The following RPH3AL variants were observed in gnomAD, a reference collection of about 807,000 sequenced individuals.
RPH3AL encodes rabphilin 3A like (without C2 domains), also known as rab effector Noc2.
Under a neutral mutation model 43.1 loss-of-function variants are expected in RPH3AL, and 38 were observed. That is an observed-to-expected ratio of 0.88 (90% CI 0.68 to 1.15). RPH3AL has a LOEUF of 1.15. Ranked by LOEUF, RPH3AL falls within the 50% of genes most tolerant of loss-of-function variation. RPH3AL has a pLI of 0.00. For missense variants in RPH3AL, 462 were observed against 423.2 expected, an observed-to-expected ratio of 1.09 and a Z score of -0.81; for synonymous variants, 189 against 176.3, an observed-to-expected ratio of 1.07 and a Z score of -0.57.
chr17:331,079 G>C (rs536513831), intron 2 of RPH3AL: 1 of 151,510 alleles, frequency 6.6e-6, no homozygotes, highest in Non-Finnish European at 1.5e-5. Context: ...GGAGGCAAGC[G>C]AGGGAGGCAA....
chr17:312,155 G>A (rs9901402), intron 5 of RPH3AL, among the ~76,000 whole-genome samples: 1 of 152,056 alleles, frequency 6.6e-6, no homozygotes, highest in Non-Finnish European at 1.5e-5. Flanking sequence ...TTAAAAATTA[G>A]ACAGGCGTGG....
intron 5 of RPH3AL, among the ~76,000 whole-genome samples, chr17:311,644 C>G (rs990309065): frequency 6.6e-6 from 1 of 152,130 alleles, no homozygotes; most frequent in Admixed American, 6.5e-5. Flanking sequence ...GCGAAGCGAT[C>G]AAGAAAGACA....
chr17:282,129 G>A (rs1005107498), intron 5 of RPH3AL, among the ~76,000 whole-genome samples: 8 of 152,280 alleles, frequency 5.3e-5, no homozygotes, highest in Non-Finnish European at 7.3e-5. Context: ...GCTGCGTCAC[G>A]TTTGATAGCA....
intron 7 of RPH3AL, among the ~76,000 whole-genome samples, chr17:236,797 G>A (rs1246709970): frequency 6.6e-6 from 1 of 152,280 alleles, no homozygotes; most frequent in Non-Finnish European, 1.5e-5. Context: ...AGTCGGAAAA[G>A]AAAAAGCCAG....
intron 6 of RPH3AL, chr17:247,685 C>G: frequency 5.3e-6 from 1 of 186,924 alleles, no homozygotes; most frequent in Non-Finnish European, 1.1e-5. Context: ...TTCTCTCTTG[C>G]AGAGCAGGGA....
chr17:248,846 A>G (rs938593443), intron 6 of RPH3AL, among the ~76,000 whole-genome samples: 2 of 152,228 alleles, frequency 1.3e-5, no homozygotes, highest in Non-Finnish European at 2.9e-5. Context: ...GAAGTACTCA[A>G]CAGAGCAAAG....
intron 5 of RPH3AL, among the ~76,000 whole-genome samples, chr17:315,651 G>T (rs1567510903): frequency 6.7e-6 from 1 of 148,724 alleles, no homozygotes; most frequent in Non-Finnish European, 1.5e-5. Flanking sequence ...TGTAGTCCCT[G>T]TGCTCCACCT....
chr17:341,489 T>C (rs1367020597), intron 1 of RPH3AL: 1 of 152,158 alleles, frequency 6.6e-6, no homozygotes, highest in Non-Finnish European at 1.5e-5. Context: ...CATCACACCA[T>C]TGCAAAATTT....
Position 225,047 on chromosome 17 carries a change from G to A in RPH3AL, c.614-5311C>T, listed in dbSNP as rs1309843910. Among the ~76,000 whole-genome samples the A allele has an allele frequency of 6.6e-6, 1 of 151,148 alleles. No individual in the cohort carries two copies. Among genetic ancestry groups the A allele is most frequent in the Non-Finnish European group, 1.5e-5 (1 of 67,906 alleles). On this transcript the variant is annotated intron_variant, in intron 7 of 9. Coordinates refer to ENST00000331302, the MANE Select transcript of RPH3AL (RefSeq NM_006987.4). This position sits in a 1 kb window ranked among gnomAD's most constrained non-coding sequence, Gnocchi z 4.4. ...GTTAATGGGTGCAGCACACCAACAC[G>A]GCACATGTATACAGATGTAACAAAC... is the stretch of plus-strand genomic sequence containing the variant.
At position 225,006 on chromosome 17, in the gene RPH3AL, C is replaced by T. The variant is rs1225802550; in HGVS notation, c.614-5270G>A. Among the ~76,000 whole-genome samples the T allele has an allele frequency of 4.0e-5, 6 of 151,306 alleles. No individual in the cohort carries two copies. The highest frequency in any genetic ancestry group is 8.8e-5 in the Non-Finnish European group (6 of 67,936). On this transcript the variant is annotated intron_variant, in intron 7 of 9. Coordinates refer to ENST00000331302, the MANE Select transcript of RPH3AL (RefSeq NM_006987.4). This position sits in a 1 kb window ranked among gnomAD's most constrained non-coding sequence, Gnocchi z 4.4. ...GGAGGGATAGCGTTAGGAGATATAC[C>T]TAATGTAAATGACGAGTTAATGGGT... is the stretch of plus-strand genomic sequence containing the variant.
chr17:328,597 T>C lies in RPH3AL; in HGVS notation c.-36-1018A>G, dbSNP rs567366107. ...AAACATACGTCCTCACCAAAACCTG[T>C]ACACAAACGTTCTTAGCAGCACTAT... On this transcript the variant is annotated intron_variant, in intron 2 of 9. Transcript: ENST00000331302. This position sits in a 1 kb window ranked among gnomAD's most constrained non-coding sequence, Gnocchi z 4.2. Among the ~76,000 whole-genome samples, 11 of 152,296 alleles carry C rather than the reference T, an allele frequency of 7.2e-5. No individual in the cohort carries two copies. The South Asian group carries it at 2.3e-3, about 32-fold the overall frequency.
At chr17:350,595 C>G (rs1327198215) in intron 1 of RPH3AL, among the ~76,000 whole-genome samples, 1 of 152,112 alleles carries the variant, frequency 6.6e-6, no homozygotes, top group Non-Finnish European at 1.5e-5. Flanking sequence ...GGTGACAGAG[C>G]AAGACCCCAT....
intron 5 of RPH3AL, among the ~76,000 whole-genome samples, chr17:317,794 TG>T (rs1341252050): frequency 6.6e-6 from 1 of 152,212 alleles, no homozygotes; most frequent in Non-Finnish European, 1.5e-5. Context: ...ATCCAGCTTT[TG>T]AATGCCCCTG....
chr17:316,725 C>G (rs1598109868), intron 5 of RPH3AL, among the ~76,000 whole-genome samples: 1 of 151,302 alleles, frequency 6.6e-6, no homozygotes, highest in African/African-American at 2.4e-5. Context: ...TGTGCCCCAC[C>G]TCCATTGACC....
intron 6 of RPH3AL, chr17:261,807 AAC>A (rs1555546294): frequency 6.6e-6 from 1 of 152,236 alleles, no homozygotes; most frequent in Non-Finnish European, 1.5e-5. Flanking sequence ...AGAAAGGGAA[AAC>A]ACAGGATCCT....
chr17:262,496 G>A (rs1268189545), intron 6 of RPH3AL, among the ~76,000 whole-genome samples: 1 of 151,988 alleles, frequency 6.6e-6, no homozygotes, highest in Non-Finnish European at 1.5e-5. Flanking sequence ...TTACAGGCGT[G>A]AGCCACCGCA....
At chr17:318,898 A>C (rs1024347368) in intron 5 of RPH3AL, among the ~76,000 whole-genome samples, 6 of 152,242 alleles carry the variant, frequency 3.9e-5, no homozygotes, top group African/African-American at 1.2e-4. Context: ...CTTGGACTTC[A>C]GGAAGATAGG....
At chr17:340,129 A>C (rs2045071412) in intron 1 of RPH3AL, among the ~76,000 whole-genome samples, 1 of 151,902 alleles carries the variant, frequency 6.6e-6, no homozygotes, top group African/African-American at 2.4e-5. Flanking sequence ...CCATAGTCCT[A>C]AGGGGTCCCC....
At position 253,777 on chromosome 17, in the gene RPH3AL, G is replaced by A. The variant is rs1490013925; in HGVS notation, c.439-6492C>T. Among the ~76,000 whole-genome samples, 7 of 109,426 alleles carry A rather than the reference G, an allele frequency of 6.4e-5. No homozygotes were observed. In the East Asian group the frequency reaches 9.3e-4, roughly 14 times the overall value. The allele number at this position is 109,426 out of a possible 152,430, so 71.8% of individuals were successfully genotyped here. ...CTACGTACTTCCTATGAGGGGAGCC[G>A]CACGGCGTCTGTCCTTTTCCATCCC... On this transcript the variant is annotated intron_variant, in intron 6 of 9. Coordinates refer to ENST00000331302, the MANE Select transcript of RPH3AL (RefSeq NM_006987.4).
Sources: allele counts gnomAD v4.1 joint callset (sites outside exome capture counted in the v4.1 genomes callset), GRCh38; gene constraint gnomAD v4.1.1; non-coding constraint Gnocchi (gnomAD v3.1); transcripts MANE v1.5; gene names NCBI Gene and HGNC (gene_info 2026-07-23, HGNC 2026-07-21).